The following PPFIA2 variants were observed in gnomAD, a reference collection of about 807,000 sequenced individuals.
PPFIA2 encodes the protein PPFI scaffold protein A2.
Under a neutral mutation model 175.5 loss-of-function variants are expected in PPFIA2, and 46 were observed. The observed-to-expected ratio is 0.26, with a 90% confidence interval of 0.21 to 0.34. The LOEUF (loss-of-function observed/expected upper bound fraction) is 0.34, where lower values mean the gene tolerates loss of function less well. PPFIA2 is among the 10% of genes least tolerant of loss of function. PPFIA2 has a pLI of 1.00. For missense variants in PPFIA2, 1,179 were observed against 1,506.1 expected, an observed-to-expected ratio of 0.78 and a Z score of 3.60; for synonymous variants, 568 against 511.4, an observed-to-expected ratio of 1.11 and a Z score of -1.49.
At chr12:81,598,709 C>T (rs746457882) in intron 4 of PPFIA2, among the ~76,000 whole-genome samples, 2 of 151,352 alleles carry the variant, frequency 1.3e-5, no homozygotes, top group African/African-American at 4.9e-5. Context: ...ACAGCTGGCC[C>T]GGATATTGAG....
At chr12:81,346,850 G>A (rs1314474925) in intron 18 of PPFIA2, among the ~76,000 whole-genome samples, 2 of 151,882 alleles carry the variant, frequency 1.3e-5, no homozygotes, top group South Asian at 2.1e-4. Context: ...CACACACAGA[G>A]TCCAAAGTGA....
intron 4 of PPFIA2, among the ~76,000 whole-genome samples, chr12:81,577,460 G>A (rs1392924832): frequency 6.6e-6 from 1 of 151,750 alleles, no homozygotes; most frequent in African/African-American, 2.4e-5. Context: ...CACCATAATA[G>A]GAAATATAAC....
intron 21 of PPFIA2, among the ~76,000 whole-genome samples, chr12:81,329,481 T>C (rs1172623970): frequency 6.6e-6 from 1 of 152,092 alleles, no homozygotes; most frequent in Non-Finnish European, 1.5e-5. Flanking sequence ...AAGGATTTTT[T>C]TTTGCCAGCC....
intron 4 of PPFIA2, among the ~76,000 whole-genome samples, chr12:81,558,682 G>A (rs1231162379): frequency 6.6e-6 from 1 of 152,014 alleles, no homozygotes; most frequent in Non-Finnish European, 1.5e-5. Context: ...ATATCTACAG[G>A]GACTTGAAAA....
intron 4 of PPFIA2, among the ~76,000 whole-genome samples, chr12:81,663,862 T>C (rs1228894113): frequency 6.6e-6 from 1 of 151,866 alleles, no homozygotes; most frequent in Admixed American, 6.6e-5. Flanking sequence ...TGGAACAGAA[T>C]AGAGCCCTCA....
intron 4 of PPFIA2, among the ~76,000 whole-genome samples, chr12:81,544,577 A>C (rs911981375): frequency 1.3e-5 from 2 of 152,180 alleles, no homozygotes. Flanking sequence ...GAAAATTTAT[A>C]TAATTATGTA....
At chr12:81,389,140 TATATAC>T (rs1287639496) in intron 8 of PPFIA2, among the ~76,000 whole-genome samples, 2 of 148,256 alleles carry the variant, frequency 1.3e-5, no homozygotes, top group African/African-American at 4.9e-5. Flanking sequence ...TATATATATA[TATATAC>T]ACACACACAT....
intron 4 of PPFIA2, among the ~76,000 whole-genome samples, chr12:81,535,834 A>G (rs1056980304): frequency 2.0e-5 from 3 of 151,818 alleles, no homozygotes; most frequent in Non-Finnish European, 4.4e-5. Context: ...TTCACTTGTT[A>G]TAACTATAAC....
chr12:81,352,759 A>T (rs191009159), intron 17 of PPFIA2, among the ~76,000 whole-genome samples: 20 of 152,290 alleles, frequency 1.3e-4, no homozygotes, highest in African/African-American at 4.6e-4. Flanking sequence ...AATGTACGTG[A>T]TTACCACACA....
At chr12:81,265,769 C>T (rs975783156) in intron 30 of PPFIA2, among the ~76,000 whole-genome samples, 2 of 152,144 alleles carry the variant, frequency 1.3e-5, no homozygotes, top group Non-Finnish European at 2.9e-5. Flanking sequence ...CTACCCCACA[C>T]CTGGACAGCT....
At chr12:81,511,749 T>C (rs2061825071) in intron 4 of PPFIA2, among the ~76,000 whole-genome samples, 1 of 152,008 alleles carries the variant, frequency 6.6e-6, no homozygotes, top group African/African-American at 2.4e-5. Context: ...TTCATATATA[T>C]TCAATATATG....
At chr12:81,662,139 A>G (rs1438256809) in intron 4 of PPFIA2, among the ~76,000 whole-genome samples, 2 of 152,182 alleles carry the variant, frequency 1.3e-5, no homozygotes, top group South Asian at 2.1e-4. Flanking sequence ...AATTAAAAGA[A>G]CTAGAGAAGC....
At chr12:81,684,014 T>A (rs2074075055) in intron 3 of PPFIA2, among the ~76,000 whole-genome samples, 2 of 152,100 alleles carry the variant, frequency 1.3e-5, no homozygotes, top group Admixed American at 1.3e-4. Flanking sequence ...AATCTATTCA[T>A]GAGGGATCTG....
chr12:81,650,672 T>C (rs1412774031), intron 4 of PPFIA2, among the ~76,000 whole-genome samples: 2 of 152,192 alleles, frequency 1.3e-5, no homozygotes, highest in Non-Finnish European at 2.9e-5. Context: ...TTTAGAAACC[T>C]ATGCAATATT....
At chr12:81,650,400 T>C (rs1319960838) in intron 4 of PPFIA2, among the ~76,000 whole-genome samples, 1 of 152,180 alleles carries the variant, frequency 6.6e-6, no homozygotes, top group African/African-American at 2.4e-5. Flanking sequence ...GTACTATTAG[T>C]CTTTAACATG....
intron 4 of PPFIA2, among the ~76,000 whole-genome samples, chr12:81,512,116 C>T (rs759300947): frequency 1.3e-4 from 20 of 151,986 alleles, no homozygotes; most frequent in Admixed American, 1.1e-3. Flanking sequence ...CTTTTTCTGC[C>T]TGCTTTTAAG....
At chr12:81,494,771 A>G (rs2059840201) in intron 4 of PPFIA2, among the ~76,000 whole-genome samples, 1 of 152,082 alleles carries the variant, frequency 6.6e-6, no homozygotes, top group Non-Finnish European at 1.5e-5. Context: ...GCCATAAAAA[A>G]GGATGAGTCC....
chr12:81,386,200 C>T (rs1021260247), intron 8 of PPFIA2, among the ~76,000 whole-genome samples: 8 of 151,332 alleles, frequency 5.3e-5, no homozygotes, highest in African/African-American at 1.9e-4. Flanking sequence ...ATGGCTTGAG[C>T]CTAGGAGTTT....
chr12:81,579,479 T>C (rs911981020), intron 4 of PPFIA2, among the ~76,000 whole-genome samples: 1 of 151,808 alleles, frequency 6.6e-6, no homozygotes, highest in African/African-American at 2.4e-5. Flanking sequence ...TAAGTCTAAG[T>C]CTGGAAATTC....
Sources: allele counts gnomAD v4.1 joint callset (sites outside exome capture counted in the v4.1 genomes callset), GRCh38; gene constraint gnomAD v4.1.1; transcripts MANE v1.5; gene names NCBI Gene and HGNC (gene_info 2026-07-23, HGNC 2026-07-21).